Variants in C16orf74 observed in about 807,000 individuals in gnomAD.
C16orf74 encodes uncharacterized protein C16orf74.
C16orf74 carries 10 observed loss-of-function variants against 6.5 expected under a neutral mutation model. The observed-to-expected ratio is 1.54, with a 90% CI of 0.95 to 2.61. The LOEUF is 2.61. Ranked by LOEUF, C16orf74 falls within the 30% of genes most tolerant of loss-of-function variation. The probability of loss-of-function intolerance (pLI) is 0.00; values close to 1 mark genes in which losing one functional copy is unlikely to be tolerated. For missense variants in C16orf74, 141 were observed against 105.9 expected (o/e 1.33, Z -1.45); for synonymous variants, 60 against 42.5 (o/e 1.41, Z -1.60).
At chr16:85,710,071 C>T in intron 3 of C16orf74, 93 bp downstream of exon 3, 1 of 1,120,064 alleles carries the variant, frequency 8.9e-7, no homozygotes, top group Non-Finnish European at 1.2e-6. Flanking sequence ...GGGACGCAAG[C>T]TAGGCCCCGT....
intron 2 of C16orf74, among the ~76,000 whole-genome samples, chr16:85,716,661 G>C (rs1212613765): frequency 6.9e-6 from 1 of 145,262 alleles, no homozygotes; most frequent in African/African-American, 2.6e-5. Context: ...AGAGGGAGAA[G>C]GAGGAGGAAG....
At chr16:85,730,592 C>T (rs2054177694) in intron 2 of C16orf74, among the ~76,000 whole-genome samples, 1 of 127,158 alleles carries the variant, frequency 7.9e-6, no homozygotes, top group South Asian at 2.6e-4. Context: ...CACAACTAAA[C>T]CCCCAGACCA....
At chr16:85,726,330 A>G (rs768300003) in intron 2 of C16orf74, among the ~76,000 whole-genome samples, 1 of 152,104 alleles carries the variant, frequency 6.6e-6, no homozygotes, top group Non-Finnish European at 1.5e-5. Flanking sequence ...TACTCAGTAC[A>G]TGTTTGTGTG....
intron 2 of C16orf74, among the ~76,000 whole-genome samples, chr16:85,731,054 C>T (rs1050500599): frequency 6.6e-6 from 1 of 152,216 alleles, no homozygotes; most frequent in South Asian, 2.1e-4. Context: ...TCTATTTCTA[C>T]TGGATGGTGT....
intron 1 of C16orf74, among the ~76,000 whole-genome samples, chr16:85,744,389 T>G (rs2054346427): frequency 6.6e-6 from 1 of 152,104 alleles, no homozygotes; most frequent in Non-Finnish European, 1.5e-5. Flanking sequence ...ATGTTCTATC[T>G]TTTTCACACA....
chr16:85,725,362 C>T (rs576077805), intron 2 of C16orf74, among the ~76,000 whole-genome samples: 5 of 152,320 alleles, frequency 3.3e-5, no homozygotes, highest in Admixed American at 3.3e-4. Flanking sequence ...CCAGTCCCCA[C>T]CGCAGCCCCA....
intron 2 of C16orf74, among the ~76,000 whole-genome samples, chr16:85,715,616 G>A (rs557309867): frequency 3.9e-4 from 59 of 152,358 alleles, no homozygotes; most frequent in African/African-American, 1.3e-3. Context: ...CAGCCTGAAA[G>A]CAGCCGTAGA....
intron 1 of C16orf74, among the ~76,000 whole-genome samples, chr16:85,744,442 C>T (rs754863184): frequency 6.6e-6 from 1 of 151,896 alleles, no homozygotes; most frequent in Non-Finnish European, 1.5e-5. Context: ...TTGAATTGGG[C>T]TCTGTTTATG....
intron 1 of C16orf74, among the ~76,000 whole-genome samples, chr16:85,741,877 C>T (rs2054312630): frequency 6.6e-6 from 1 of 152,182 alleles, no homozygotes; most frequent in South Asian, 2.1e-4. Context: ...TCATCATCAT[C>T]ATTGTTCTCA....
At chr16:85,728,577 C>A (rs904987955) in intron 2 of C16orf74, among the ~76,000 whole-genome samples, 1 of 152,124 alleles carries the variant, frequency 6.6e-6, no homozygotes, top group Non-Finnish European at 1.5e-5. Context: ...GTAGCCCTAA[C>A]GCCCCAGCCA....
intron 2 of C16orf74, among the ~76,000 whole-genome samples, chr16:85,731,528 C>T (rs978211449): frequency 7.2e-5 from 11 of 152,136 alleles, no homozygotes; most frequent in African/African-American, 1.9e-4. Flanking sequence ...TGGGTCCTGG[C>T]GGGTCCCTCC....
intron 1 of C16orf74, among the ~76,000 whole-genome samples, chr16:85,741,969 G>C (rs938513366): frequency 6.6e-6 from 1 of 152,174 alleles, no homozygotes; most frequent in African/African-American, 2.4e-5. Context: ...GGCCTGATGG[G>C]AGGTGTCTGG....
rs548783253 is a variant in C16orf74, at chr16:85,727,095, C to T, written c.28+8095G>A. Among the ~76,000 whole-genome samples the T allele has an allele frequency of 6.6e-5, 10 of 152,376 alleles. No homozygotes were observed. In the East Asian group the frequency reaches 1.7e-3, roughly 26 times the overall value. ...ACTGCCTTGTTCATCCCTGTAGCCC[C>T]GGCACCTGGGCCAGCGCCCAGTGCA... On this transcript the variant is annotated intron_variant, in intron 2 of 3. Coordinates refer to ENST00000284245, the MANE Select transcript of C16orf74 (RefSeq NM_206967.3).
At chr16:85,739,103 C>T (rs1322906038) in intron 1 of C16orf74, among the ~76,000 whole-genome samples, 3 of 152,122 alleles carry the variant, frequency 2.0e-5, no homozygotes, top group Non-Finnish European at 2.9e-5. Context: ...TCAATTGTGC[C>T]CATGCTGGCT....
chr16:85,749,828 G>A (rs1308737443), intron 1 of C16orf74, among the ~76,000 whole-genome samples: 2 of 152,230 alleles, frequency 1.3e-5, no homozygotes, highest in African/African-American at 4.8e-5. Context: ...ATGGGAAGGC[G>A]CTTCCAGGGA....
At chr16:85,740,508 C>G (rs1283773477) in intron 1 of C16orf74, among the ~76,000 whole-genome samples, 1 of 151,952 alleles carries the variant, frequency 6.6e-6, no homozygotes, top group Non-Finnish European at 1.5e-5. Flanking sequence ...CGAGACCATC[C>G]TGGCTATCAC....
chr16:85,750,949 T>TTC lies in C16orf74; in HGVS notation c.-43_-42insGA. The TTC allele has an allele frequency of 6.7e-6, 1 of 150,364 alleles. No homozygotes were observed. Among genetic ancestry groups the TTC allele is most frequent in the Non-Finnish European group, 1.5e-5 (1 of 67,482 alleles). 9.3% of individuals were successfully genotyped at this position (150,364 alleles called of 1,614,324 possible). On this transcript the variant is annotated 5_prime_UTR_variant, in exon 1 of 4. It removes the in-frame stop codon of an upstream open reading frame in the 5' UTR. Coordinates refer to ENST00000284245, the MANE Select transcript of C16orf74 (RefSeq NM_206967.3). ...ACCGCTTCCTTCTTGGTGGGCTCACTGCGGAGCCGCGCCCGAGGCGCGCGA... is the reference window on the plus strand; with the variant it reads ...ACCGCTTCCTTCTTGGTGGGCTCACTTCGCGGAGCCGCGCCCGAGGCGCGCGA...
chr16:85,708,337 C>A (rs2053934127), intron 3 of C16orf74, among the ~76,000 whole-genome samples: 1 of 152,170 alleles, frequency 6.6e-6, no homozygotes. Context: ...CCCTATGCCC[C>A]CACTGGTCCT....
intron 2 of C16orf74, among the ~76,000 whole-genome samples, chr16:85,732,915 T>A (rs2054205394): frequency 6.6e-6 from 1 of 151,964 alleles, no homozygotes; most frequent in African/African-American, 2.4e-5. Flanking sequence ...TTTTAAAAGC[T>A]CCCAGCCCCA....
Sources: allele counts gnomAD v4.1 joint callset (sites outside exome capture counted in the v4.1 genomes callset), GRCh38; gene constraint gnomAD v4.1.1; transcripts MANE v1.5; gene names NCBI Gene and HGNC (gene_info 2026-07-23, HGNC 2026-07-21).